Variants in DPYSL5 observed in about 807,000 individuals in gnomAD.
DPYSL5 encodes the protein dihydropyrimidinase-related protein 5.
Under a neutral mutation model 58.4 loss-of-function variants are expected in DPYSL5, and 9 were observed. The observed-to-expected ratio is 0.15, with a 90% CI of 0.09 to 0.27. The LOEUF is 0.27. DPYSL5 is among the 10% of genes least tolerant of loss of function. The pLI is 1.00. For missense variants in DPYSL5, 499 were observed against 770.6 expected, an observed-to-expected ratio of 0.65 and a Z score of 4.17; for synonymous variants, 293 against 301.9, an observed-to-expected ratio of 0.97 and a Z score of 0.31.
At chr2:26,872,115 G>A (rs1005112117) in intron 1 of DPYSL5, among the ~76,000 whole-genome samples, 11 of 152,170 alleles carry the variant, frequency 7.2e-5, no homozygotes, top group African/African-American at 1.9e-4. Context: ...GTCCGGGCAC[G>A]TGTACCTCCT....
At chr2:26,889,693 GAAA>G (rs112768243) in intron 1 of DPYSL5, among the ~76,000 whole-genome samples, 1 of 139,384 alleles carries the variant, frequency 7.2e-6, no homozygotes, top group Non-Finnish European at 1.6e-5. Context: ...ATAGCGTAGG[GAAA>G]AAAAAAAAAA....
At chr2:26,935,691 CAAA>C (rs60367850) in intron 8 of DPYSL5, among the ~76,000 whole-genome samples, 10 of 122,700 alleles carry the variant, frequency 8.1e-5, no homozygotes, top group Non-Finnish European at 1.1e-4. Flanking sequence ...GACTCCATCT[CAAA>C]AAAAAAAAAA....
At chr2:26,932,070 AAAG>A (rs1442411776) in intron 6 of DPYSL5, among the ~76,000 whole-genome samples, 2 of 110,378 alleles carry the variant, frequency 1.8e-5, no homozygotes, top group African/African-American at 7.1e-5. Flanking sequence ...AGAAAGAAAG[AAAG>A]AAAGAAAGAA....
intron 8 of DPYSL5, among the ~76,000 whole-genome samples, chr2:26,936,009 A>T (rs1183594708): frequency 6.6e-6 from 1 of 152,220 alleles, no homozygotes; most frequent in African/African-American, 2.4e-5. Flanking sequence ...GCTCAGAGGC[A>T]GGTCCATAGC....
intron 6 of DPYSL5, among the ~76,000 whole-genome samples, 156 bp downstream of exon 6, chr2:26,931,840 G>C (rs966175749): frequency 1.3e-5 from 2 of 151,300 alleles, no homozygotes; most frequent in African/African-American, 4.9e-5. Flanking sequence ...AAACCCCATT[G>C]CTACTAAAAA....
At chr2:26,885,264 C>T (rs539245409) in intron 1 of DPYSL5, among the ~76,000 whole-genome samples, 26 of 152,186 alleles carry the variant, frequency 1.7e-4, no homozygotes, top group Admixed American at 2.6e-4. Flanking sequence ...ATATTCACAC[C>T]CATGACGCTG....
At chr2:26,871,903 A>G (rs1558325223) in intron 1 of DPYSL5, among the ~76,000 whole-genome samples, 2 of 152,222 alleles carry the variant, frequency 1.3e-5, no homozygotes, top group Admixed American at 1.3e-4. Flanking sequence ...AAAAATAAAT[A>G]CAATGAAAGC....
At chr2:26,899,590 G>T (rs372279990) in intron 2 of DPYSL5, among the ~76,000 whole-genome samples, 19 of 152,148 alleles carry the variant, frequency 1.2e-4, no homozygotes, top group Non-Finnish European at 2.4e-4. Flanking sequence ...TAGCTGTCCC[G>T]TAAGTGTGCA....
At chr2:26,860,737 A>G (rs865967982) in intron 1 of DPYSL5, among the ~76,000 whole-genome samples, 74 of 152,356 alleles carry the variant, frequency 4.9e-4, no homozygotes, top group African/African-American at 1.7e-3. Flanking sequence ...GATGTAGAAC[A>G]ATCTCTAATA....
Position 26,924,970 on chromosome 2 carries a change from G to A in DPYSL5, c.345G>A (p.Lys115=). 6.2e-7 allele frequency: 1 copy of A among 1,614,182 alleles called. No individual in the cohort carries two copies. The highest frequency in any genetic ancestry group is 8.5e-7 in the Non-Finnish European group (1 of 1,180,024). The change falls in exon 3 of 13, where the codon AAG becomes AAA. Residue 115 remains lysine, a synonymous_variant. Coordinates refer to ENST00000288699, the MANE Select transcript of DPYSL5 (RefSeq NM_020134.4). The surrounding 1 kb of genome is among the most constrained non-coding windows in gnomAD (Gnocchi z 4.7). ...KETSLVDAYE[K]CRGLADPKVC... ...CCTCCCTTGTGGACGCTTATGAGAA[G>A]TGCCGAGGTCTGGCCGACCCCAAGG...
Position 26,933,459 on chromosome 2 carries a change from T to C in DPYSL5, c.790+126T>C. 1.2e-6 allele frequency: 1 copy of C among 812,382 alleles called. No homozygotes were observed. 50.3% of individuals were successfully genotyped at this position (812,382 alleles called of 1,614,324 possible). A position where few individuals can be genotyped will look rare whatever the true frequency, so the allele number is the denominator to read the frequency against. On this transcript the variant is annotated intron_variant, in intron 7 of 12. Coordinates refer to ENST00000288699, the MANE Select transcript of DPYSL5 (RefSeq NM_020134.4). The surrounding 1 kb of genome is among the most constrained non-coding windows in gnomAD (Gnocchi z 4.2). ...CCAGGACCTGAGCCAGCCCTTCCCT[T>C]TCATCTGCCACCGTCTTCCTCAGAG...
chr2:26,944,820 C>G lies in DPYSL5; in HGVS notation c.1605C>G (p.Leu535=), dbSNP rs770236908. Residue 535 remains leucine (L), a synonymous_variant, in exon 12 of 13, where the codon CTC becomes CTG. Coordinates refer to ENST00000288699, the MANE Select transcript of DPYSL5 (RefSeq NM_020134.4). This position sits in a 1 kb window ranked among gnomAD's most constrained non-coding sequence, Gnocchi z 4.4. ...ACCTTCACGAATCCAGCTTCAGCCTCTCTGGTAAGAGTCAGGGGGCCACGG... is the reference window on the plus strand; with the variant it reads ...ACCTTCACGAATCCAGCTTCAGCCTGTCTGGTAAGAGTCAGGGGGCCACGG... ...MRDLHESSFS[L]SGSQIDDHVP... The G allele has an allele frequency of 6.2e-7, 1 of 1,614,036 alleles. No individual in the cohort carries two copies. The highest frequency in any genetic ancestry group is 8.5e-7 in the Non-Finnish European group (1 of 1,179,950).
intron 2 of DPYSL5, among the ~76,000 whole-genome samples, chr2:26,907,588 A>T (rs1309131096): frequency 6.6e-6 from 1 of 151,938 alleles, no homozygotes; most frequent in South Asian, 2.1e-4. Flanking sequence ...CCATCGACCC[A>T]TCATGGCCAG....
At chr2:26,868,527 G>A (rs990295485) in intron 1 of DPYSL5, among the ~76,000 whole-genome samples, 2 of 152,118 alleles carry the variant, frequency 1.3e-5, no homozygotes, top group Non-Finnish European at 2.9e-5. Context: ...TGTAAGGTAG[G>A]GAGCCAATTT....
At chr2:26,856,631 C>T (rs1665885939) in intron 1 of DPYSL5, among the ~76,000 whole-genome samples, 1 of 151,704 alleles carries the variant, frequency 6.6e-6, no homozygotes. Context: ...TATATATATA[C>T]CTAGGAGTGA....
At chr2:26,885,153 C>T (rs1435621114) in intron 1 of DPYSL5, among the ~76,000 whole-genome samples, 6 of 152,008 alleles carry the variant, frequency 3.9e-5, no homozygotes, top group African/African-American at 1.2e-4. Flanking sequence ...GAGCTCGGAT[C>T]GTGCCATTGC....
In DPYSL5 at chr2:26,905,324, T is replaced by A. The variant is rs1443400988; in HGVS notation, c.261+6564T>A. On this transcript the variant is annotated intron_variant, in intron 2 of 12. Coordinates refer to ENST00000288699, the MANE Select transcript of DPYSL5 (RefSeq NM_020134.4). This position sits in a 1 kb window ranked among gnomAD's most constrained non-coding sequence, Gnocchi z 4.0. ...GATGCATGACAAATGCTTCACATAGTCCCTGTCACAGAATACATATACAAT... is the reference window on the plus strand; with the variant it reads ...GATGCATGACAAATGCTTCACATAGACCCTGTCACAGAATACATATACAAT... Among the ~76,000 whole-genome samples, 1 of 152,178 alleles carries A rather than the reference T, an allele frequency of 6.6e-6. No homozygotes were observed. Among genetic ancestry groups the A allele is most frequent in the Admixed American group, 6.5e-5 (1 of 15,284 alleles).
At chr2:26,892,360 CAG>C (rs1438466717) in intron 1 of DPYSL5, among the ~76,000 whole-genome samples, 1 of 152,184 alleles carries the variant, frequency 6.6e-6, no homozygotes, top group African/African-American at 2.4e-5. Context: ...CATCAAAGCT[CAG>C]ACAAGAATTC....
chr2:26,858,461 G>A (rs1003571746), intron 1 of DPYSL5, among the ~76,000 whole-genome samples: 4 of 151,658 alleles, frequency 2.6e-5, no homozygotes, highest in Non-Finnish European at 4.4e-5. Context: ...GTGAGCCACC[G>A]CACCCAGCCC....
Sources: gnomAD v4.1 joint callset for allele counts (sites outside exome capture counted in the v4.1 genomes callset) on GRCh38, gnomAD v4.1.1 for gene constraint, Gnocchi (gnomAD v3.1) non-coding constraint, MANE v1.5 for transcripts, NCBI Gene and HGNC (gene_info 2026-07-23, HGNC 2026-07-21) for gene names.